Variants in ZNF236 observed in about 807,000 individuals in gnomAD.
ZNF236 encodes the protein regulated by glucose.
Under a neutral mutation model 191.2 loss-of-function variants are expected in ZNF236, and 50 were observed. That is an observed-to-expected ratio of 0.26 (90% CI 0.21 to 0.33). ZNF236 has a LOEUF of 0.33. ZNF236 is among the 10% of genes least tolerant of loss of function. The pLI, the probability that ZNF236 is intolerant of heterozygous loss-of-function variation, is 1.00. For missense variants in ZNF236, 1,754 were observed against 2,374.5 expected (o/e 0.74, Z 5.43); for synonymous variants, 907 against 928.8 (o/e 0.98, Z 0.43).
intron 20 of ZNF236, among the ~76,000 whole-genome samples, chr18:76,921,560 G>C (rs1316510389): frequency 2.0e-5 from 3 of 152,134 alleles, no homozygotes; most frequent in Non-Finnish European, 4.4e-5. Context: ...TGGAGTCATA[G>C]ATGAGAAAGT....
chr18:76,872,289 C>T (rs1228025591), intron 5 of ZNF236, among the ~76,000 whole-genome samples: 3 of 152,100 alleles, frequency 2.0e-5, no homozygotes, highest in Non-Finnish European at 4.4e-5. Flanking sequence ...AAGACTAGCA[C>T]GGGCAACATA....
Position 76,951,725 on chromosome 18 carries a change from G to A in ZNF236, c.4914+4073G>A, listed in dbSNP as rs470129. On this transcript the variant is annotated intron_variant, in intron 27 of 30. Transcript: ENST00000320610. ...CCTTCATTTCACAAGTTGGCTAATA[G>A]TTTGACACAAGAGGCTGAGCTTTCA... 4.5e-3 allele frequency among the ~76,000 whole-genome samples: 688 copies of A among 152,328 alleles called. 4 individuals carry two copies. The highest frequency in any genetic ancestry group is 0.015 in the African/African-American group (642 of 41,572).
intron 26 of ZNF236, 75 bp from the exon 27 acceptor site, chr18:76,947,446 C>T: frequency 2.0e-6 from 3 of 1,536,728 alleles, no homozygotes; most frequent in Non-Finnish European, 2.6e-6. Flanking sequence ...GGTAGCTGCA[C>T]CATAAAAGAT....
intron 2 of ZNF236, among the ~76,000 whole-genome samples, chr18:76,850,838 G>A (rs112419286): frequency 0.13 from 19,987 of 151,352 alleles, 1,659 homozygotes; most frequent in Middle Eastern, 0.22. Flanking sequence ...CCTGACCTCA[G>A]GGTGATCCGC....
chr18:76,948,662 ATTCT>A (rs1272370798), intron 27 of ZNF236, among the ~76,000 whole-genome samples: 2 of 152,186 alleles, frequency 1.3e-5, no homozygotes, highest in African/African-American at 2.4e-5. Context: ...GACACTGCTG[ATTCT>A]CCCAGGAAAG....
intron 1 of ZNF236, among the ~76,000 whole-genome samples, chr18:76,823,132 A>G (rs893403853): frequency 3.3e-5 from 5 of 151,272 alleles, no homozygotes; most frequent in Admixed American, 6.6e-5. Flanking sequence ...CCCCCGCCCG[A>G]CCCTGCGCGG....
chr18:76,968,089 G>C, intron 30 of ZNF236, 126 bp from the exon 31 acceptor site: 1 of 1,267,812 alleles, frequency 7.9e-7, no homozygotes, highest in Non-Finnish European at 1.1e-6. Context: ...TTTTTCACTG[G>C]AATGAAAAGC....
chr18:76,883,142 G>C (rs1976945703), intron 9 of ZNF236, among the ~76,000 whole-genome samples: 1 of 152,116 alleles, frequency 6.6e-6, no homozygotes, highest in Admixed American at 6.5e-5. Context: ...CTTTCTCCCT[G>C]CACCAAGTAC....
intron 25 of ZNF236, chr18:76,936,516 G>A (rs1968004459): frequency 2.4e-6 from 1 of 425,332 alleles, no homozygotes; most frequent in Non-Finnish European, 4.7e-6. Context: ...CAGTTTTGTT[G>A]TCTTTTCTGA....
intron 30 of ZNF236, among the ~76,000 whole-genome samples, chr18:76,966,690 G>A (rs926512124): frequency 1.3e-5 from 2 of 152,178 alleles, no homozygotes; most frequent in African/African-American, 2.4e-5. Flanking sequence ...CAGACAACAC[G>A]TGGGCCTTGG....
intron 13 of ZNF236, among the ~76,000 whole-genome samples, chr18:76,907,399 G>C (rs1977773472): frequency 6.6e-6 from 1 of 152,226 alleles, no homozygotes; most frequent in Non-Finnish European, 1.5e-5. Context: ...TGTTGCCCAG[G>C]CTGGAGTGCC....
intron 14 of ZNF236, 32 bp downstream of exon 14, chr18:76,908,605 A>T: frequency 5.7e-6 from 9 of 1,573,430 alleles, no homozygotes; most frequent in Non-Finnish European, 7.8e-6. Context: ...ACTTTGAGTG[A>T]TCCCAGCAGA....
chr18:76,849,694 G>C (rs1975800475), intron 2 of ZNF236, 26 bp downstream of exon 2: 1 of 1,487,878 alleles, frequency 6.7e-7, no homozygotes, highest in Non-Finnish European at 8.9e-7. Context: ...GGTGATGTCA[G>C]GAATGTGAGC....
intron 14 of ZNF236, among the ~76,000 whole-genome samples, chr18:76,908,942 GGTGTGTGTGTAT>G (rs1568224651): frequency 6.8e-6 from 1 of 145,996 alleles, no homozygotes; most frequent in Non-Finnish European, 1.5e-5. Flanking sequence ...AATATGCAGG[GGTGTGTGTGTAT>G]GTGTGTGTCT....
At chr18:76,926,329 T>A (rs956450552) in intron 22 of ZNF236, among the ~76,000 whole-genome samples, 1 of 152,050 alleles carries the variant, frequency 6.6e-6, no homozygotes, top group Non-Finnish European at 1.5e-5. Flanking sequence ...ATGGTATAAA[T>A]GAGATTTCGC....
At chr18:76,850,741 T>G (rs1975834813) in intron 2 of ZNF236, among the ~76,000 whole-genome samples, 1 of 152,028 alleles carries the variant, frequency 6.6e-6, no homozygotes, top group African/African-American at 2.4e-5. Context: ...TAGCTGGGAT[T>G]ACAGGCATGC....
At chr18:76,912,419 G>A (rs1298772954) in intron 17 of ZNF236, 72 bp downstream of exon 17, 23 of 1,013,668 alleles carry the variant, frequency 2.3e-5, no homozygotes, top group Non-Finnish European at 3.3e-5. Context: ...TGTTTGCCCC[G>A]CTCCAAGGGC....
chr18:76,825,770 C>CT (rs35798856), intron 1 of ZNF236, among the ~76,000 whole-genome samples: 28 of 151,430 alleles, frequency 1.8e-4, no homozygotes, highest in African/African-American at 5.6e-4. Context: ...TCTAGGGCCT[C>CT]TTTTTTTTTG....
At chr18:76,868,346 TTC>T (rs1473091702) in intron 3 of ZNF236, among the ~76,000 whole-genome samples, 1 of 152,228 alleles carries the variant, frequency 6.6e-6, no homozygotes, top group Non-Finnish European at 1.5e-5. Flanking sequence ...GTCATCCTAC[TTC>T]TCTCTAAAGC....
Sources: gnomAD v4.1 joint callset for allele counts (sites outside exome capture counted in the v4.1 genomes callset) on GRCh38, gnomAD v4.1.1 for gene constraint, MANE v1.5 for transcripts, NCBI Gene and HGNC (gene_info 2026-07-23, HGNC 2026-07-21) for gene names.